TENM3: variants seen among roughly 807,000 people sequenced by gnomAD.
TENM3 encodes teneurin-3.
In TENM3, 63 loss-of-function variants were observed where a neutral mutation model predicts 255.1. That is an observed-to-expected ratio of 0.25 (90% confidence interval 0.20 to 0.30). TENM3 has a LOEUF of 0.30. Among genes scored for constraint, TENM3 ranks in the 10% least tolerant of loss-of-function variants. The pLI is 1.00. For missense variants in TENM3, 2,929 were observed against 3,461.1 expected (o/e 0.85, Z 3.86); for synonymous variants, 1,306 against 1,322.3 (o/e 0.99, Z 0.27).
At chr4:182,477,925 C>G (rs1277056878) in intron 3 of TENM3, among the ~76,000 whole-genome samples, 2 of 151,962 alleles carry the variant, frequency 1.3e-5, no homozygotes, top group Admixed American at 1.3e-4. Flanking sequence ...CTGGAGAGAA[C>G]CTGTGACTAA....
At position 182,660,775 on chromosome 4, in the gene TENM3, C is replaced by T. The variant is rs528519336; in HGVS notation, c.1111+6882C>T. On this transcript the variant is annotated intron_variant, in intron 6 of 27. Transcript: ENST00000511685. ...TCTAATGAGCACTTATGATGTGCCA[C>T]GCACTGAGCAAGATTCTGGGAATAT... Among the ~76,000 whole-genome samples, 20 of 152,276 alleles carry T rather than the reference C, an allele frequency of 1.3e-4. No individual in the cohort carries two copies. The East Asian group carries it at 3.3e-3, about 25-fold the overall frequency.
At chr4:182,234,933 C>G (rs1171332330) in intron 1 of TENM3, among the ~76,000 whole-genome samples, 1 of 151,988 alleles carries the variant, frequency 6.6e-6, no homozygotes, top group Non-Finnish European at 1.5e-5. Context: ...GTGAAATGAG[C>G]CTGGGCTGCA....
the TENM3 span, among the ~76,000 whole-genome samples, chr4:181,686,429 C>T: frequency 2.0e-5 from 3 of 152,062 alleles, no homozygotes; most frequent in African/African-American, 7.2e-5. Context: ...ACTAGAATTG[C>T]TTTTTCTCAG....
chr4:181,622,745 A>C, the TENM3 span, among the ~76,000 whole-genome samples: 1 of 152,256 alleles, frequency 6.6e-6, no homozygotes, highest in Non-Finnish European at 1.5e-5. Flanking sequence ...AAATAGAACA[A>C]GCCCTGAGAT....
the TENM3 span, among the ~76,000 whole-genome samples, chr4:181,923,763 G>A: frequency 1.3e-4 from 20 of 152,082 alleles, no homozygotes; most frequent in East Asian, 5.8e-4. Flanking sequence ...GCAATACAGC[G>A]AGGAAGTAGA....
chr4:182,192,080 T>A (rs1753559281), intron 1 of TENM3, among the ~76,000 whole-genome samples: 1 of 152,160 alleles, frequency 6.6e-6, no homozygotes, highest in Admixed American at 6.5e-5. Context: ...GCTCCGAGAA[T>A]AATATTTCAT....
chr4:182,430,290 T>C (rs949707986), intron 3 of TENM3, among the ~76,000 whole-genome samples: 1 of 152,218 alleles, frequency 6.6e-6, no homozygotes, highest in Non-Finnish European at 1.5e-5. Flanking sequence ...GGCTCACGCC[T>C]GTAATCCCAG....
chr4:182,257,851 T>A (rs1181138436), intron 1 of TENM3, among the ~76,000 whole-genome samples: 1 of 152,196 alleles, frequency 6.6e-6, no homozygotes, highest in Non-Finnish European at 1.5e-5. Context: ...CTGGTCCCCA[T>A]ACAATGCTAC....
chr4:182,598,699 A>G (rs760158884), intron 3 of TENM3, among the ~76,000 whole-genome samples: 4 of 152,210 alleles, frequency 2.6e-5, no homozygotes, highest in Non-Finnish European at 5.9e-5. Context: ...TATCAAGTCT[A>G]GAAAATGTAC....
intron 3 of TENM3, among the ~76,000 whole-genome samples, chr4:182,500,418 A>G (rs1736199283): frequency 6.6e-6 from 1 of 152,172 alleles, no homozygotes; most frequent in African/African-American, 2.4e-5. Flanking sequence ...ATTATTAATG[A>G]TTAATGAAAT....
intron 1 of TENM3, among the ~76,000 whole-genome samples, chr4:182,302,832 A>C (rs921053576): frequency 1.3e-5 from 2 of 152,128 alleles, no homozygotes; most frequent in African/African-American, 4.8e-5. Flanking sequence ...GTCATTAAGA[A>C]CTGAGCTTCC....
chr4:181,533,461 A>C, the TENM3 span, among the ~76,000 whole-genome samples: 1 of 152,152 alleles, frequency 6.6e-6, no homozygotes, highest in Non-Finnish European at 1.5e-5. Flanking sequence ...TCTCAACAAC[A>C]ACATGTGTTT....
chr4:182,022,883 T>A, the TENM3 span, among the ~76,000 whole-genome samples: 1 of 152,184 alleles, frequency 6.6e-6, no homozygotes, highest in Non-Finnish European at 1.5e-5. Context: ...CAAACCAGTT[T>A]AAAAATTTTA....
intron 16 of TENM3, among the ~76,000 whole-genome samples, chr4:182,734,824 A>G (rs746624684): frequency 6.6e-6 from 1 of 152,240 alleles, no homozygotes; most frequent in Non-Finnish European, 1.5e-5. Context: ...AAAATCAAGT[A>G]CAACACATGA....
chr4:182,241,888 ACTCTCCGT>A (rs1398027864), upstream of TENM3, among the ~76,000 whole-genome samples: 27 of 150,188 alleles, frequency 1.8e-4, no homozygotes, highest in African/African-American at 5.6e-4. Context: ...CACTGAAATG[ACTCTCCGT>A]GGTCACAAAT....
chr4:181,627,443 G>A, the TENM3 span, among the ~76,000 whole-genome samples: 580 of 152,130 alleles, frequency 3.8e-3, 5 homozygotes, highest in Middle Eastern at 6.8e-3. Context: ...ACATTAACTC[G>A]TCATTTACAT....
At chr4:182,687,028 G>A (rs1320171718) in intron 11 of TENM3, among the ~76,000 whole-genome samples, 1 of 152,100 alleles carries the variant, frequency 6.6e-6, no homozygotes, top group Admixed American at 6.5e-5. Flanking sequence ...GCCTTGATAA[G>A]GTGTTTAGCC....
chr4:181,547,373 A>T, the TENM3 span, among the ~76,000 whole-genome samples: 2 of 152,220 alleles, frequency 1.3e-5, no homozygotes, highest in Non-Finnish European at 2.9e-5. Context: ...AATCTATATT[A>T]TTTAGAGGAT....
the TENM3 span, among the ~76,000 whole-genome samples, chr4:181,960,860 T>C: frequency 6.6e-6 from 1 of 152,194 alleles, no homozygotes; most frequent in Non-Finnish European, 1.5e-5. Flanking sequence ...CTTTTATTTC[T>C]CCCACAAGAT....
Sources: gnomAD v4.1 joint callset for allele counts (sites outside exome capture counted in the v4.1 genomes callset) on GRCh38, gnomAD v4.1.1 for gene constraint, MANE v1.5 for transcripts, NCBI Gene and HGNC (gene_info 2026-07-23, HGNC 2026-07-21) for gene names.